Variants in MEGF6 observed in about 807,000 individuals in gnomAD.
The protein encoded by MEGF6 is multiple EGF like domains 6, also known as multiple epidermal growth factor-like domains protein 6.
Under a neutral mutation model 207.1 loss-of-function variants are expected in MEGF6, and 184 were observed. The ratio of observed to expected loss-of-function variants is 0.89; its 90% CI spans 0.79 to 1.00. MEGF6 has a LOEUF of 1.00. MEGF6 is among the 50% of genes least tolerant of loss of function. The probability of loss-of-function intolerance (pLI) is 0.00; values close to 1 mark genes in which losing one functional copy is unlikely to be tolerated. For synonymous variants in MEGF6, 1,038 were observed against 910.0 expected (o/e 1.14, Z -2.53); for missense variants, 2,282 against 2,202.9 (o/e 1.04, Z -0.72).
Position 3,501,885 on chromosome 1 carries a change from C to G in MEGF6, c.2225G>C (p.Ser742Thr), listed in dbSNP as rs1640888187. Residue 742 changes from serine to threonine, a missense_variant, in exon 18 of 37, where the codon AGC (serine) becomes ACC (threonine). Transcript: ENST00000356575. ...PVGTFGVNCS[S>T]SCSCGGAPCH... is the part of the protein sequence containing the mutation. ...GGGGGCCCCCCCACAGGAGCAGGAG[C>G]TCGAGCAGTTCACGCCAAACGTCCC... 1 of 1,609,626 alleles carries G rather than the reference C, an allele frequency of 6.2e-7. No homozygotes were observed. The highest frequency in any genetic ancestry group is 2.2e-5 in the East Asian group (1 of 44,756).
rs1643623693 is a variant in MEGF6 at position 3,575,691 on chromosome 1, T to C, written c.481+4134A>G. ...GCTTGTGCGGGGAAACTCCCCCTTA[T>C]AAACCATCAGATCTCATGAGACTTA... On this transcript the variant is annotated intron_variant, in intron 4 of 36. Transcript: ENST00000356575. Among the ~76,000 whole-genome samples the C allele has an allele frequency of 2.0e-5, 3 of 152,112 alleles. No individual in the cohort carries two copies. The South Asian group carries it at 6.2e-4, about 32-fold the overall frequency.
intron 5 of MEGF6, among the ~76,000 whole-genome samples, chr1:3,520,940 C>G (rs1323804974): frequency 1.3e-5 from 2 of 152,140 alleles, no homozygotes; most frequent in Admixed American, 6.5e-5. Flanking sequence ...TGTCAGCCCC[C>G]TGAGAGCTCT....
At chr1:3,569,219 G>A (rs748971236) in intron 4 of MEGF6, among the ~76,000 whole-genome samples, 15 of 152,186 alleles carry the variant, frequency 9.9e-5, no homozygotes, top group Non-Finnish European at 1.6e-4. Flanking sequence ...AAAGAAGCAG[G>A]GACAGCCTCT....
chr1:3,593,707 C>T (rs1644016256), intron 3 of MEGF6, among the ~76,000 whole-genome samples: 1 of 151,924 alleles, frequency 6.6e-6, no homozygotes, highest in Admixed American at 6.6e-5. Flanking sequence ...GATGTCTGCC[C>T]CCTCCCCACT....
chr1:3,617,928 C>G, the MEGF6 span, among the ~76,000 whole-genome samples: 8 of 152,298 alleles, frequency 5.3e-5, no homozygotes, highest in Admixed American at 5.2e-4. Flanking sequence ...CTTGTTACAG[C>G]ACTGCAGGAA....
intron 23 of MEGF6, 65 bp from the exon 24 acceptor site, chr1:3,499,331 A>G: frequency 6.5e-7 from 1 of 1,533,116 alleles, no homozygotes; most frequent in Non-Finnish European, 8.8e-7. Context: ...GCAGCAGATC[A>G]CAGCCAGCTG....
chr1:3,571,146 A>G (rs904810888), intron 4 of MEGF6, among the ~76,000 whole-genome samples: 11 of 152,204 alleles, frequency 7.2e-5, no homozygotes, highest in African/African-American at 2.6e-4. Flanking sequence ...GGGCCATCCC[A>G]CAAGGAGGGG....
chr1:3,495,770 T>A, intron 30 of MEGF6, 120 bp downstream of exon 30: 1 of 1,278,058 alleles, frequency 7.8e-7, no homozygotes, highest in Non-Finnish European at 1.1e-6. Flanking sequence ...AGTGGGGAGC[T>A]GGTGGCAGCC....
chr1:3,497,468 G>A, intron 26 of MEGF6, 107 bp from the exon 27 acceptor site: 1 of 1,307,244 alleles, frequency 7.6e-7, no homozygotes, highest in Non-Finnish European at 1.0e-6. Flanking sequence ...CCCAATGCTG[G>A]CTGAACTGGG....
intron 4 of MEGF6, among the ~76,000 whole-genome samples, chr1:3,567,499 G>C (rs941112491): frequency 3.9e-5 from 6 of 152,084 alleles, no homozygotes; most frequent in East Asian, 1.9e-4. Context: ...GTGTGGCGGG[G>C]ATCCCTCCTG....
chr1:3,499,475 G>A (rs1158225946), intron 23 of MEGF6, 113 bp downstream of exon 23: 1 of 1,479,250 alleles, frequency 6.8e-7, no homozygotes, highest in Non-Finnish European at 9.0e-7. Flanking sequence ...TCACTCTCAG[G>A]GGGGTTGCCT....
intron 4 of MEGF6, among the ~76,000 whole-genome samples, chr1:3,532,453 G>A (rs959850457): frequency 2.6e-5 from 4 of 152,244 alleles, no homozygotes; most frequent in Non-Finnish European, 5.9e-5. Flanking sequence ...TCCCTGCCTG[G>A]GACCAGCCCA....
rs1032297458 is a variant in MEGF6, at chr1:3,489,278, A to G, written c.*1250T>C. On this transcript the variant is annotated 3_prime_UTR_variant, in exon 37 of 37. Coordinates refer to ENST00000356575, the MANE Select transcript of MEGF6 (RefSeq NM_001409.4). ...GGACTCCTCCTCCTCCTGCTGGTGAAATTGTCTGCCCTGGGGCCTCAGCTA... is the reference window on the plus strand; with the variant it reads ...GGACTCCTCCTCCTCCTGCTGGTGAGATTGTCTGCCCTGGGGCCTCAGCTA... Among the ~76,000 whole-genome samples, 6 of 152,162 alleles carry G rather than the reference A, an allele frequency of 3.9e-5. No homozygotes were observed. Among genetic ancestry groups the G allele is most frequent in the Non-Finnish European group, 7.4e-5 (5 of 68,024 alleles).
rs768772049 is a variant in MEGF6, at chr1:3,490,932, G to A, written c.4544C>T (p.Pro1515Leu). 10 of 1,600,604 alleles carry A rather than the reference G, an allele frequency of 6.2e-6. No individual in the cohort carries two copies. Among genetic ancestry groups the A allele is most frequent in the East Asian group, 4.5e-5 (2 of 44,536 alleles). The change falls in exon 36 of 37, where the codon CCG (proline) becomes CTG (leucine). Residue 1515 changes from proline (P) to leucine (L), a missense_variant. Physicochemically the swap from Pro to Leu is moderately conservative, Grantham distance 98. Coordinates refer to ENST00000356575, the MANE Select transcript of MEGF6 (RefSeq NM_001409.4). ...EGGPLRLPEN[P>L]SLAQGSAGTL... ...CTTACCTGAGCCCTGGGCTAAGGAC[G>A]GGTTCTCGGGGAGCCGGAGGGGCCC... is the stretch of plus-strand genomic sequence containing the variant.
chr1:3,497,483 G>A, intron 26 of MEGF6, 122 bp from the exon 27 acceptor site: 2 of 1,260,028 alleles, frequency 1.6e-6, no homozygotes, highest in Admixed American at 2.8e-5. Context: ...ACTGGGGGCT[G>A]TGCTCACCAT....
chr1:3,607,016 T>C (rs77283091), intron 1 of MEGF6, among the ~76,000 whole-genome samples: 1,532 of 152,130 alleles, frequency 0.01, 23 homozygotes, highest in African/African-American at 0.035. Context: ...GAGCCCTCAA[T>C]TCAGCATCTG....
intron 4 of MEGF6, among the ~76,000 whole-genome samples, chr1:3,525,886 G>T (rs1039236004): frequency 6.6e-6 from 1 of 152,224 alleles, no homozygotes; most frequent in Admixed American, 6.5e-5. Flanking sequence ...GGCCTCGGGG[G>T]AATCCAGGCA....
chr1:3,518,956 C>T (rs1641641738), intron 5 of MEGF6, among the ~76,000 whole-genome samples: 1 of 152,220 alleles, frequency 6.6e-6, no homozygotes, highest in South Asian at 2.1e-4. Flanking sequence ...TACTGACTCA[C>T]AGCCTGTGAG....
At chr1:3,599,002 C>T (rs147157345) in intron 2 of MEGF6, among the ~76,000 whole-genome samples, 1,952 of 152,328 alleles carry the variant, frequency 0.013, 17 homozygotes, top group Non-Finnish European at 0.019. Context: ...CTCACAGCCT[C>T]ACCTACTCTG....
Sources: gnomAD v4.1 joint callset for allele counts (sites outside exome capture counted in the v4.1 genomes callset) on GRCh38, gnomAD v4.1.1 for gene constraint, MANE v1.5 for transcripts, NCBI Gene and HGNC (gene_info 2026-07-23, HGNC 2026-07-21) for gene names.